SLIT3: variants seen among roughly 807,000 people sequenced by gnomAD.
SLIT3 encodes the protein slit guidance ligand 3.
A neutral mutation model predicts 184.0 loss-of-function variants in SLIT3; 68 were observed. The observed-to-expected ratio is 0.37, with a 90% CI of 0.30 to 0.45. The LOEUF (loss-of-function observed/expected upper bound fraction) is 0.45. Ranked by LOEUF, SLIT3 falls within the 20% of genes least tolerant of loss-of-function variation. The pLI is 1.00. For synonymous variants in SLIT3, 831 were observed against 828.6 expected, an observed-to-expected ratio of 1.00 and a Z score of -0.05; for missense variants, 1,707 against 2,026.0, an observed-to-expected ratio of 0.84 and a Z score of 3.02.
intron 5 of SLIT3, among the ~76,000 whole-genome samples, chr5:168,861,207 T>C (rs750375351): frequency 2.0e-5 from 3 of 152,204 alleles, no homozygotes; most frequent in Admixed American, 6.5e-5. Context: ...GCTGCACCCA[T>C]TAACTCGTCA....
chr5:168,792,062 A>C (rs189008010), intron 10 of SLIT3: 1 of 152,364 alleles, frequency 6.6e-6, no homozygotes, highest in East Asian at 1.9e-4. Flanking sequence ...AAGTACCTGG[A>C]GCCATAAGTG....
chr5:169,095,096 G>A (rs1759730272), intron 4 of SLIT3, among the ~76,000 whole-genome samples: 1 of 152,254 alleles, frequency 6.6e-6, no homozygotes, highest in South Asian at 2.1e-4. Context: ...CGGTAGTTTT[G>A]AAACTTTATC....
At chr5:169,004,430 A>T (rs925706923) in intron 4 of SLIT3, among the ~76,000 whole-genome samples, 12 of 151,438 alleles carry the variant, frequency 7.9e-5, no homozygotes, top group Admixed American at 5.9e-4. Flanking sequence ...ACCATAATAA[A>T]CTCCCTCCAA....
chr5:169,040,418 C>T (rs1219080109), intron 4 of SLIT3, among the ~76,000 whole-genome samples: 2 of 152,182 alleles, frequency 1.3e-5, no homozygotes, highest in Admixed American at 6.5e-5. Flanking sequence ...GGAAATAAAA[C>T]TGGAAAGAAG....
intron 4 of SLIT3, among the ~76,000 whole-genome samples, chr5:169,109,626 C>G (rs1021201707): frequency 1.3e-5 from 2 of 152,154 alleles, no homozygotes; most frequent in Non-Finnish European, 2.9e-5. Context: ...ACACTTTTCC[C>G]TCTCTCTGGA....
intron 1 of SLIT3, among the ~76,000 whole-genome samples, chr5:169,257,916 C>T (rs931928113): frequency 6.6e-6 from 1 of 152,046 alleles, no homozygotes; most frequent in Non-Finnish European, 1.5e-5. Flanking sequence ...CTTACTTCAA[C>T]GAATTAAAAT....
chr5:168,789,751 C>T (rs1169837475), intron 10 of SLIT3, 120 bp from the exon 11 acceptor site: 1 of 752,844 alleles, frequency 1.3e-6, no homozygotes, highest in African/African-American at 1.7e-5. Flanking sequence ...ATCAATCAAG[C>T]AATTCATTTA....
chr5:169,071,756 A>G (rs1438606843), intron 4 of SLIT3, among the ~76,000 whole-genome samples: 1 of 152,162 alleles, frequency 6.6e-6, no homozygotes, highest in Non-Finnish European at 1.5e-5. Flanking sequence ...TGTGTTCTTG[A>G]GTTACCACAA....
intron 4 of SLIT3, among the ~76,000 whole-genome samples, chr5:169,029,954 T>C (rs1434982295): frequency 6.6e-6 from 1 of 152,210 alleles, no homozygotes; most frequent in Non-Finnish European, 1.5e-5. Context: ...TTTTAACACA[T>C]TCTCCCCACC....
At chr5:169,054,303 C>T (rs985652604) in intron 4 of SLIT3, among the ~76,000 whole-genome samples, 11 of 149,228 alleles carry the variant, frequency 7.4e-5, no homozygotes, top group African/African-American at 2.5e-4. Context: ...ATACTGGGGG[C>T]GGGCTACCAG....
At chr5:168,703,545 G>A (rs1762281504) in intron 26 of SLIT3, among the ~76,000 whole-genome samples, 1 of 152,056 alleles carries the variant, frequency 6.6e-6, no homozygotes, top group Non-Finnish European at 1.5e-5. Context: ...AATACCTGAT[G>A]ATCTGAGGTG....
chr5:168,713,302 T>C (rs569918441), intron 23 of SLIT3, among the ~76,000 whole-genome samples: 4 of 152,330 alleles, frequency 2.6e-5, no homozygotes, highest in Admixed American at 2.0e-4. Context: ...TAGGAGCTAT[T>C]CTCACTTACA....
chr5:169,094,046 A>G (rs1759686627), intron 4 of SLIT3, among the ~76,000 whole-genome samples: 2 of 152,206 alleles, frequency 1.3e-5, no homozygotes, highest in African/African-American at 4.8e-5. Flanking sequence ...TGAAGTAGGA[A>G]TGAATGTTAA....
rs114568635 is a variant in SLIT3, at chr5:169,172,757, G to A, written c.413+20722C>T. 3.0e-3 allele frequency among the ~76,000 whole-genome samples: 461 copies of A among 152,118 alleles called. 5 individuals are homozygous for A. The highest frequency in any genetic ancestry group is 0.01 in the African/African-American group (416 of 41,476). ...TTTTTCCATTAAAAAATATTTTAGC[G>A]CTGTACTAAACCCTGCTAATAAAAA... On this transcript the variant is annotated intron_variant, in intron 4 of 35. Coordinates refer to ENST00000519560, the MANE Select transcript of SLIT3 (RefSeq NM_003062.4).
At chr5:168,726,265 T>C (rs571514204) in intron 20 of SLIT3, among the ~76,000 whole-genome samples, 1 of 150,886 alleles carries the variant, frequency 6.6e-6, no homozygotes, top group South Asian at 2.1e-4. Flanking sequence ...GATTATGATG[T>C]ACCAAGTATC....
chr5:168,911,031 C>A (rs1255313278), intron 4 of SLIT3, among the ~76,000 whole-genome samples: 4 of 151,932 alleles, frequency 2.6e-5, no homozygotes, highest in African/African-American at 9.7e-5. Flanking sequence ...GGTACGAAAC[C>A]AAAAGCAGAA....
chr5:168,846,616 T>C (rs995386176), intron 5 of SLIT3, among the ~76,000 whole-genome samples: 4 of 152,166 alleles, frequency 2.6e-5, no homozygotes, highest in African/African-American at 9.7e-5. Flanking sequence ...TCAATGAACA[T>C]GCTGAATTCG....
chr5:168,955,499 G>C (rs980970906), intron 4 of SLIT3, among the ~76,000 whole-genome samples: 1 of 152,144 alleles, frequency 6.6e-6, no homozygotes, highest in Non-Finnish European at 1.5e-5. Flanking sequence ...TGTTTGCTGA[G>C]TCTCTTCTAT....
chr5:168,910,519 G>A (rs1293369270), intron 4 of SLIT3, among the ~76,000 whole-genome samples: 1 of 152,064 alleles, frequency 6.6e-6, no homozygotes, highest in Non-Finnish European at 1.5e-5. Flanking sequence ...CGAGGCGGGT[G>A]GATCACAAGG....
Sources: allele counts gnomAD v4.1 joint callset (sites outside exome capture counted in the v4.1 genomes callset), GRCh38; gene constraint gnomAD v4.1.1; transcripts MANE v1.5; gene names NCBI Gene and HGNC (gene_info 2026-07-23, HGNC 2026-07-21).